The following FAM13A variants were observed in gnomAD, a reference collection of about 807,000 sequenced individuals.
FAM13A encodes protein FAM13A.
FAM13A carries 76 observed loss-of-function variants against 129.6 expected under a neutral mutation model. The ratio of observed to expected loss-of-function variants is 0.59; its 90% confidence interval spans 0.49 to 0.71. The LOEUF is 0.71. Ranked by LOEUF, FAM13A falls within the 30% of genes least tolerant of loss-of-function variation. The pLI, the probability that FAM13A is intolerant of heterozygous loss-of-function variation, is 0.00. For synonymous variants in FAM13A, 443 were observed against 449.9 expected (o/e 0.98, Z 0.20); for missense variants, 1,108 against 1,249.3 (o/e 0.89, Z 1.70).
intron 4 of FAM13A, among the ~76,000 whole-genome samples, chr4:88,962,905 A>G (rs1474731820): frequency 6.6e-6 from 1 of 152,234 alleles, no homozygotes; most frequent in Non-Finnish European, 1.5e-5. Flanking sequence ...GAAGATGTTC[A>G]TGACATATTA....
At chr4:88,810,628 T>C (rs1003875195) in intron 7 of FAM13A, among the ~76,000 whole-genome samples, 3 of 152,278 alleles carry the variant, frequency 2.0e-5, no homozygotes, top group African/African-American at 7.2e-5. Flanking sequence ...ACACAAAGGT[T>C]ATGCTCTGAA....
At chr4:88,815,177 T>C (rs2149797578) in intron 7 of FAM13A, among the ~76,000 whole-genome samples, 1 of 152,246 alleles carries the variant, frequency 6.6e-6, no homozygotes, top group South Asian at 2.1e-4. Flanking sequence ...GATGAGAAGA[T>C]ACCATGTTTT....
intron 9 of FAM13A, among the ~76,000 whole-genome samples, chr4:88,790,058 C>T (rs536657023): frequency 6.6e-6 from 1 of 152,204 alleles, no homozygotes; most frequent in East Asian, 1.9e-4. Flanking sequence ...GCCCTGTGGA[C>T]CAGGGACTTG....
chr4:88,993,232 G>A (rs1288235492), intron 3 of FAM13A, among the ~76,000 whole-genome samples: 2 of 152,176 alleles, frequency 1.3e-5, no homozygotes, highest in African/African-American at 4.8e-5. Flanking sequence ...GAGTGATTAA[G>A]AACTAATTGG....
At chr4:88,777,677 T>A (rs1722039746) in intron 11 of FAM13A, among the ~76,000 whole-genome samples, 1 of 151,618 alleles carries the variant, frequency 6.6e-6, no homozygotes, top group Non-Finnish European at 1.5e-5. Flanking sequence ...GTAAGACACT[T>A]TTCCAGATCT....
At chr4:88,940,414 C>T (rs1200684718) in intron 4 of FAM13A, among the ~76,000 whole-genome samples, 7 of 152,142 alleles carry the variant, frequency 4.6e-5, no homozygotes, top group Non-Finnish European at 8.8e-5. Context: ...CTTAGCTATA[C>T]GGTTAACATT....
chr4:88,953,872 T>C (rs754973041), intron 4 of FAM13A, among the ~76,000 whole-genome samples: 6 of 152,216 alleles, frequency 3.9e-5, no homozygotes, highest in Non-Finnish European at 8.8e-5. Flanking sequence ...TTTGGGTTGC[T>C]TCCACCTCTT....
Position 88,829,301 on chromosome 4 carries a change from T to C in FAM13A, c.1007+21719A>G, listed in dbSNP as rs1733519759. Among the ~76,000 whole-genome samples the C allele has an allele frequency of 2.0e-5, 3 of 152,260 alleles. No individual in the cohort carries two copies. In the South Asian group the frequency reaches 6.2e-4, roughly 32 times the overall value. On this transcript the variant is annotated intron_variant, in intron 7 of 23. Coordinates refer to ENST00000264344, the MANE Select transcript of FAM13A (RefSeq NM_014883.4). ...TACAAAAAAGAAAATTAGCAGGGTATGGTGGTATGTGCCTGTGATCTCAGC... is the reference window on the plus strand; with the variant it reads ...TACAAAAAAGAAAATTAGCAGGGTACGGTGGTATGTGCCTGTGATCTCAGC...
chr4:88,917,701 A>G (rs1009575256), intron 5 of FAM13A, among the ~76,000 whole-genome samples: 1 of 152,176 alleles, frequency 6.6e-6, no homozygotes, highest in African/African-American at 2.4e-5. Context: ...TGCTTAAAGG[A>G]CTTTTCAATC....
intron 2 of FAM13A, among the ~76,000 whole-genome samples, chr4:89,028,550 G>A (rs1768283362): frequency 1.3e-5 from 2 of 152,018 alleles, no homozygotes; most frequent in African/African-American, 4.8e-5. Flanking sequence ...AAATCAGGCA[G>A]TGTGGCAGAA....
At chr4:88,749,690 C>T (rs544891743) in intron 16 of FAM13A, 81 bp downstream of exon 16, 35 of 1,461,140 alleles carry the variant, frequency 2.4e-5, no homozygotes, top group East Asian at 4.5e-5. Flanking sequence ...CTTAACCTTT[C>T]GTCGTTTCTT....
intron 5 of FAM13A, among the ~76,000 whole-genome samples, chr4:88,913,514 A>AGAGGAGGAGGAGGAAGAAGAG (rs1749545608): frequency 6.8e-6 from 1 of 146,584 alleles, no homozygotes; most frequent in Non-Finnish European, 1.5e-5. Context: ...AAGAGGAAGA[A>AGAGGAGGAGGAGGAAGAAGAG]GAGGAGGAGG....
intron 6 of FAM13A, among the ~76,000 whole-genome samples, chr4:88,881,851 G>A (rs1381964768): frequency 1.3e-5 from 2 of 152,000 alleles, no homozygotes; most frequent in African/African-American, 2.4e-5. Flanking sequence ...ACGTGTCAGC[G>A]ATAGAATCAA....
intron 6 of FAM13A, among the ~76,000 whole-genome samples, chr4:88,852,188 T>C (rs1023684523): frequency 6.7e-6 from 1 of 150,080 alleles, no homozygotes; most frequent in African/African-American, 2.5e-5. Context: ...AGACAGAGTC[T>C]CGCTCTGTCA....
At chr4:88,954,896 A>AAAG (rs1454026821) in intron 4 of FAM13A, among the ~76,000 whole-genome samples, 1 of 151,976 alleles carries the variant, frequency 6.6e-6, no homozygotes, top group Non-Finnish European at 1.5e-5. Context: ...AAAAAAAAAA[A>AAAG]AAAAGAAAAA....
chr4:88,938,605 A>C (rs1334750618), intron 4 of FAM13A, among the ~76,000 whole-genome samples: 1 of 152,232 alleles, frequency 6.6e-6, no homozygotes, highest in Non-Finnish European at 1.5e-5. Flanking sequence ...ATAGCAACAC[A>C]ATCTTTATTT....
intron 5 of FAM13A, among the ~76,000 whole-genome samples, chr4:88,926,239 G>T (rs2148750305): frequency 6.6e-6 from 1 of 152,196 alleles, no homozygotes; most frequent in Non-Finnish European, 1.5e-5. Context: ...CCCATCCCTG[G>T]AAGGATGTTC....
chr4:88,967,798 G>C (rs1263731327), intron 4 of FAM13A, among the ~76,000 whole-genome samples: 1 of 152,162 alleles, frequency 6.6e-6, no homozygotes, highest in Non-Finnish European at 1.5e-5. Flanking sequence ...TTGGTAATGG[G>C]GACAGAGAGG....
At chr4:88,992,806 T>G (rs1179861577) in intron 3 of FAM13A, among the ~76,000 whole-genome samples, 1 of 152,222 alleles carries the variant, frequency 6.6e-6, no homozygotes, top group Non-Finnish European at 1.5e-5. Context: ...TACAGCAGTT[T>G]AGAGGAATGA....
Sources: allele counts gnomAD v4.1 joint callset (sites outside exome capture counted in the v4.1 genomes callset), GRCh38; gene constraint gnomAD v4.1.1; transcripts MANE v1.5; gene names NCBI Gene and HGNC (gene_info 2026-07-23, HGNC 2026-07-21).